Variants in RANBP17 observed in about 807,000 individuals in gnomAD.
RANBP17 encodes RAN binding protein 17.
A neutral mutation model predicts 141.2 loss-of-function variants in RANBP17; 158 were observed. The observed-to-expected ratio is 1.12, with a 90% CI of 0.98 to 1.28. The LOEUF (loss-of-function observed/expected upper bound fraction) is 1.28, where lower values mean the gene tolerates loss of function less well. Among genes scored for constraint, RANBP17 ranks in the 50% most tolerant of loss-of-function variants. RANBP17 has a pLI of 0.00. For missense variants in RANBP17, 1,438 were observed against 1,290.7 expected (o/e 1.11, Z -1.75); for synonymous variants, 430 against 450.0 (o/e 0.96, Z 0.56).
rs941103580 is a variant in RANBP17, at chr5:170,895,454, TATAG to T, written c.424-591_424-588del. ...GAAGCTGATTAAATTAAAAACATTATATAGATAGTCATGTATTTATCTCATTGCA... is the reference window on the plus strand; with the variant it reads ...GAAGCTGATTAAATTAAAAACATTATATAGTCATGTATTTATCTCATTGCA... On this transcript the variant is annotated intron_variant, in intron 4 of 27. Transcript: ENST00000523189. Among the ~76,000 whole-genome samples, 26 of 152,196 alleles carry T rather than the reference TATAG, an allele frequency of 1.7e-4. 1 individual carries two copies. The highest frequency in any genetic ancestry group is 1.4e-3 in the Admixed American group (21 of 15,274).
At chr5:171,185,386 G>T (rs1761166945) in intron 18 of RANBP17, among the ~76,000 whole-genome samples, 1 of 152,160 alleles carries the variant, frequency 6.6e-6, no homozygotes, top group African/African-American at 2.4e-5. Flanking sequence ...TTTCACAAAA[G>T]ATTTTTCTGT....
chr5:170,925,850 G>C (rs1405246715), intron 12 of RANBP17, among the ~76,000 whole-genome samples: 2 of 152,032 alleles, frequency 1.3e-5, no homozygotes, highest in African/African-American at 2.4e-5. Context: ...ATTTATGACA[G>C]CTCATACTGA....
At chr5:171,257,972 G>T (rs1766015526) in intron 24 of RANBP17, among the ~76,000 whole-genome samples, 1 of 151,978 alleles carries the variant, frequency 6.6e-6, no homozygotes, top group South Asian at 2.1e-4. Context: ...GGAGATGGTG[G>T]CACATGCCTG....
At chr5:171,010,608 G>T (rs1779966712) in intron 14 of RANBP17, among the ~76,000 whole-genome samples, 1 of 152,104 alleles carries the variant, frequency 6.6e-6, no homozygotes, top group African/African-American at 2.4e-5. Flanking sequence ...TCAGATGCTG[G>T]ATTACTAGAC....
chr5:171,212,733 G>A (rs1291040117), intron 20 of RANBP17, among the ~76,000 whole-genome samples: 2 of 152,194 alleles, frequency 1.3e-5, no homozygotes, highest in Non-Finnish European at 1.5e-5. Context: ...GAAAACATCG[G>A]AAAGAGACTT....
intron 14 of RANBP17, among the ~76,000 whole-genome samples, chr5:171,062,795 A>G (rs1249076254): frequency 1.3e-5 from 2 of 152,184 alleles, no homozygotes; most frequent in African/African-American, 2.4e-5. Flanking sequence ...TTTCAGGTAC[A>G]CCAATCAGAC....
chr5:170,985,839 G>C (rs1778106127), intron 14 of RANBP17, among the ~76,000 whole-genome samples: 1 of 152,122 alleles, frequency 6.6e-6, no homozygotes, highest in Non-Finnish European at 1.5e-5. Context: ...AGTATGTGTT[G>C]TGGTAGCTGC....
intron 12 of RANBP17, among the ~76,000 whole-genome samples, chr5:170,930,658 G>A (rs190217997): frequency 7.6e-4 from 115 of 152,172 alleles, no homozygotes; most frequent in African/African-American, 2.4e-3. Flanking sequence ...AGAACATGCC[G>A]TGTTTGGTTT....
At chr5:171,119,747 A>T (rs1425458786) in intron 14 of RANBP17, among the ~76,000 whole-genome samples, 1 of 152,136 alleles carries the variant, frequency 6.6e-6, no homozygotes, top group African/African-American at 2.4e-5. Flanking sequence ...GCTTAAAAAG[A>T]GGTGCCACCT....
At chr5:171,035,536 T>G (rs923753134) in intron 14 of RANBP17, among the ~76,000 whole-genome samples, 3 of 148,998 alleles carry the variant, frequency 2.0e-5, no homozygotes, top group East Asian at 2.0e-4. Context: ...AGGTCTAGAG[T>G]TTTTTTTTGT....
intron 14 of RANBP17, among the ~76,000 whole-genome samples, chr5:171,054,248 TAAGA>T (rs1783193259): frequency 6.6e-6 from 1 of 152,100 alleles, no homozygotes. Context: ...GCAAGTTTAT[TAAGA>T]AAGTAAAGGA....
At chr5:170,878,796 G>T (rs2127350617) in intron 2 of RANBP17, among the ~76,000 whole-genome samples, 1 of 152,268 alleles carries the variant, frequency 6.6e-6, no homozygotes, top group South Asian at 2.1e-4. Context: ...GCTATGAAAC[G>T]ATTGCAGTAA....
At chr5:171,265,534 AAAAC>A in intron 24 of RANBP17, 143 bp from the exon 25 acceptor site, 1 of 748,014 alleles carries the variant, frequency 1.3e-6, no homozygotes, top group Non-Finnish European at 2.2e-6. Flanking sequence ...CTGTCTCAAA[AAAAC>A]AAATTCCTGC....
chr5:171,249,428 C>T (rs1420498429), intron 24 of RANBP17, among the ~76,000 whole-genome samples: 3 of 152,146 alleles, frequency 2.0e-5, no homozygotes, highest in African/African-American at 7.2e-5. Flanking sequence ...ATAGATCTTA[C>T]TCAAAAAGAA....
chr5:170,936,500 T>C (rs1773892001), intron 12 of RANBP17, among the ~76,000 whole-genome samples: 1 of 152,222 alleles, frequency 6.6e-6, no homozygotes, highest in African/African-American at 2.4e-5. Context: ...TTATGGATTA[T>C]TTAGAAGTGT....
At chr5:170,890,380 G>A (rs1769496923) in intron 3 of RANBP17, among the ~76,000 whole-genome samples, 1 of 151,972 alleles carries the variant, frequency 6.6e-6, no homozygotes, top group Non-Finnish European at 1.5e-5. Context: ...TTGTCCTAAT[G>A]CTAAGGAAAT....
At chr5:171,122,484 G>GA (rs1024566247) in intron 14 of RANBP17, among the ~76,000 whole-genome samples, 25 of 152,152 alleles carry the variant, frequency 1.6e-4, no homozygotes, top group African/African-American at 6.0e-4. Flanking sequence ...GAGCTTCTAG[G>GA]AAAAAACACT....
In RANBP17 at chr5:171,253,767, A is replaced by G. The variant is rs148592965; in HGVS notation, c.2776+10947A>G. Among the ~76,000 whole-genome samples, 1,412 of 152,222 alleles carry G rather than the reference A, an allele frequency of 9.3e-3. 21 individuals are homozygous for G. The highest frequency in any genetic ancestry group is 0.026 in the South Asian group (123 of 4,822). ...TTAAGTAGTCCTTTTGTTTGTTTCTATTTTTAAGGTGAATTTTAAATTATA... is the reference window on the plus strand; with the variant it reads ...TTAAGTAGTCCTTTTGTTTGTTTCTGTTTTTAAGGTGAATTTTAAATTATA... On this transcript the variant is annotated intron_variant, in intron 24 of 27. Transcript: ENST00000523189.
intron 25 of RANBP17, among the ~76,000 whole-genome samples, chr5:171,287,348 G>T (rs1321588098): frequency 6.6e-6 from 1 of 152,118 alleles, no homozygotes; most frequent in Non-Finnish European, 1.5e-5. Flanking sequence ...AAAAAAGCTG[G>T]GTGTGGTGGC....
Sources: allele counts gnomAD v4.1 joint callset (sites outside exome capture counted in the v4.1 genomes callset), GRCh38; gene constraint gnomAD v4.1.1; transcripts MANE v1.5; gene names NCBI Gene and HGNC (gene_info 2026-07-23, HGNC 2026-07-21).